TRIQK: variants seen among roughly 807,000 people sequenced by gnomAD.
The protein encoded by TRIQK is triple QxxK/R motif-containing protein.
In TRIQK, 10 loss-of-function variants were observed where a neutral mutation model predicts 10.8. The observed-to-expected ratio is 0.92, with a 90% CI of 0.57 to 1.57. The LOEUF (loss-of-function observed/expected upper bound fraction) is 1.57. Ranked by LOEUF, TRIQK falls within the 40% of genes most tolerant of loss-of-function variation. The pLI, the probability that TRIQK is intolerant of heterozygous loss-of-function variation, is 0.00. For synonymous variants in TRIQK, 33 were observed against 33.7 expected (o/e 0.98, Z 0.07); for missense variants, 107 against 97.7 (o/e 1.09, Z -0.40).
intron 2 of TRIQK, among the ~76,000 whole-genome samples, chr8:92,934,903 CTA>C (rs1810906611): frequency 6.6e-6 from 1 of 151,726 alleles, no homozygotes; most frequent in African/African-American, 2.4e-5. Context: ...TATAACTCTA[CTA>C]TGTAGAAACA....
At chr8:92,920,659 CT>C (rs2130485814) in intron 2 of TRIQK, among the ~76,000 whole-genome samples, 1 of 151,722 alleles carries the variant, frequency 6.6e-6, no homozygotes, top group South Asian at 2.1e-4. Flanking sequence ...TCAAGGAGTT[CT>C]AAAGCACAGA....
At chr8:92,990,759 C>T (rs1813087921) in intron 1 of TRIQK, among the ~76,000 whole-genome samples, 1 of 152,204 alleles carries the variant, frequency 6.6e-6, no homozygotes, top group African/African-American at 2.4e-5. Context: ...TTGCAACCCG[C>T]AGACCAAGAG....
chr8:93,015,223 A>C (rs1483321695), intron 1 of TRIQK, among the ~76,000 whole-genome samples: 2 of 151,920 alleles, frequency 1.3e-5, no homozygotes, highest in Non-Finnish European at 2.9e-5. Context: ...CTTTTCAAAA[A>C]GTACTTTACA....
chr8:92,905,394 T>C (rs374479378), intron 3 of TRIQK, among the ~76,000 whole-genome samples: 1 of 152,188 alleles, frequency 6.6e-6, no homozygotes, highest in African/African-American at 2.4e-5. Context: ...AACTAAATGA[T>C]AGATTACTGG....
At chr8:92,932,674 C>G (rs1295891103) in intron 2 of TRIQK, among the ~76,000 whole-genome samples, 1 of 151,956 alleles carries the variant, frequency 6.6e-6, no homozygotes, top group Non-Finnish European at 1.5e-5. Context: ...TTATAATTTC[C>G]TCATTTCTTC....
chr8:92,933,392 G>T (rs1810829495), intron 2 of TRIQK, among the ~76,000 whole-genome samples: 1 of 152,096 alleles, frequency 6.6e-6, no homozygotes, highest in African/African-American at 2.4e-5. Flanking sequence ...AATAACCTGT[G>T]CTCATATAGA....
upstream of TRIQK, among the ~76,000 whole-genome samples, chr8:92,967,252 A>G (rs965099937): frequency 6.6e-6 from 1 of 152,018 alleles, no homozygotes; most frequent in Non-Finnish European, 1.5e-5. Flanking sequence ...AAAACCCAGA[A>G]GGGTTTATCT....
At chr8:93,001,305 CAA>C (rs1229891736) in intron 1 of TRIQK, among the ~76,000 whole-genome samples, 152 of 78,812 alleles carry the variant, frequency 1.9e-3, no homozygotes, top group African/African-American at 6.2e-3. Flanking sequence ...GACTCCATCT[CAA>C]AAAAAAAAAA....
chr8:92,951,087 G>A (rs1190078785), intron 2 of TRIQK, among the ~76,000 whole-genome samples: 1 of 151,612 alleles, frequency 6.6e-6, no homozygotes, highest in Admixed American at 6.6e-5. Context: ...TTGTTTTACT[G>A]TATTTTTCTG....
intron 1 of TRIQK, among the ~76,000 whole-genome samples, chr8:92,957,631 T>C (rs1282904634): frequency 6.6e-6 from 1 of 151,958 alleles, no homozygotes; most frequent in Non-Finnish European, 1.5e-5. Flanking sequence ...ATTCAAGTGG[T>C]CTATAACTAA....
At chr8:92,925,536 G>T (rs1215874982) in intron 2 of TRIQK, among the ~76,000 whole-genome samples, 1 of 152,014 alleles carries the variant, frequency 6.6e-6, no homozygotes. Flanking sequence ...ATAATGTAAG[G>T]TATACAACCT....
intron 1 of TRIQK, among the ~76,000 whole-genome samples, chr8:93,006,252 C>G: frequency 6.6e-6 from 1 of 152,074 alleles, no homozygotes; most frequent in East Asian, 1.9e-4. Flanking sequence ...GATCCAGCAA[C>G]TCGGTATCCA....
chr8:92,928,747 C>T (rs1409994065), intron 2 of TRIQK, among the ~76,000 whole-genome samples: 1 of 152,180 alleles, frequency 6.6e-6, no homozygotes, highest in African/African-American at 2.4e-5. Flanking sequence ...GGTGGACCAG[C>T]AAGGCCTGGT....
intron 1 of TRIQK, among the ~76,000 whole-genome samples, chr8:92,995,017 T>C (rs149282883): frequency 5.3e-5 from 8 of 152,258 alleles, no homozygotes; most frequent in African/African-American, 1.9e-4. Flanking sequence ...CTGAAAGATT[T>C]ATTGCTCATT....
intron 1 of TRIQK, among the ~76,000 whole-genome samples, chr8:93,000,430 C>G (rs1813198208): frequency 6.6e-6 from 1 of 152,082 alleles, no homozygotes; most frequent in African/African-American, 2.4e-5. Context: ...GGGAACTGCC[C>G]TTTATAAAAC....
intron 2 of TRIQK, among the ~76,000 whole-genome samples, chr8:92,945,792 G>A (rs1053922333): frequency 6.6e-6 from 1 of 152,008 alleles, no homozygotes; most frequent in Non-Finnish European, 1.5e-5. Context: ...ATAAAATACA[G>A]TTAATTATCA....
chr8:92,966,739 A>T (rs368206884), upstream of TRIQK, among the ~76,000 whole-genome samples: 10 of 152,336 alleles, frequency 6.6e-5, no homozygotes, highest in Admixed American at 5.2e-4. Flanking sequence ...TAAGAGTATT[A>T]TCCACAGCCT....
chr8:93,015,171 A>T (rs936550481), intron 1 of TRIQK, among the ~76,000 whole-genome samples: 2 of 151,738 alleles, frequency 1.3e-5, no homozygotes, highest in South Asian at 4.1e-4. Flanking sequence ...ATATATAAAG[A>T]TAGTTTTCCT....
At chr8:93,015,292 C>T (rs1029123880) in intron 1 of TRIQK, among the ~76,000 whole-genome samples, 37 of 151,770 alleles carry the variant, frequency 2.4e-4, no homozygotes, top group African/African-American at 7.0e-4. Context: ...GCTAAATTGT[C>T]AGATTTAACA....
Sources: allele counts gnomAD v4.1 joint callset (sites outside exome capture counted in the v4.1 genomes callset), GRCh38; gene constraint gnomAD v4.1.1; transcripts MANE v1.5; gene names NCBI Gene and HGNC (gene_info 2026-07-23, HGNC 2026-07-21).